Variants in HLCS observed in about 807,000 individuals in gnomAD.
The protein encoded by HLCS is biotin--protein ligase.
HLCS carries 53 observed loss-of-function variants against 75.0 expected under a neutral mutation model. The ratio of observed to expected loss-of-function variants is 0.71; its 90% CI spans 0.57 to 0.89. HLCS has a LOEUF of 0.89. Ranked by LOEUF, HLCS falls within the 40% of genes least tolerant of loss-of-function variation. The pLI, the probability that HLCS is intolerant of heterozygous loss-of-function variation, is 0.00. For synonymous variants in HLCS, 431 were observed against 428.6 expected (o/e 1.01, Z -0.07); for missense variants, 966 against 1,074.0 (o/e 0.90, Z 1.41).
chr21:36,890,943 T>C (rs890933340), intron 6 of HLCS, among the ~76,000 whole-genome samples: 2 of 152,226 alleles, frequency 1.3e-5, no homozygotes, highest in African/African-American at 2.4e-5. Context: ...TGAAAGTACA[T>C]GCCTGAGGCA....
At chr21:36,824,565 C>T (rs2061949328) in intron 6 of HLCS, among the ~76,000 whole-genome samples, 1 of 152,144 alleles carries the variant, frequency 6.6e-6, no homozygotes, top group Non-Finnish European at 1.5e-5. Flanking sequence ...CCTGCACATT[C>T]TGCACATGTA....
intron 6 of HLCS, among the ~76,000 whole-genome samples, chr21:36,800,553 C>T (rs2061169172): frequency 6.6e-6 from 1 of 152,024 alleles, no homozygotes; most frequent in Admixed American, 6.6e-5. Flanking sequence ...CCCCGTTGTA[C>T]CAGTGAGGAA....
intron 6 of HLCS, among the ~76,000 whole-genome samples, chr21:36,893,683 C>A (rs984956228): frequency 6.6e-6 from 1 of 152,282 alleles, no homozygotes; most frequent in Non-Finnish European, 1.5e-5. Context: ...AGGGTTTGAG[C>A]TCCTATGAGA....
chr21:36,892,739 G>T (rs576266463), intron 6 of HLCS, among the ~76,000 whole-genome samples: 4 of 152,180 alleles, frequency 2.6e-5, no homozygotes, highest in East Asian at 1.9e-4. Flanking sequence ...GCTGGTGCAG[G>T]TTCCATGATG....
chr21:36,916,324 C>T (rs2065926307), intron 5 of HLCS, among the ~76,000 whole-genome samples: 1 of 151,984 alleles, frequency 6.6e-6, no homozygotes, highest in Non-Finnish European at 1.5e-5. Flanking sequence ...CTCATAGCAT[C>T]CGGCTGTAAG....
intron 6 of HLCS, among the ~76,000 whole-genome samples, chr21:36,874,162 T>C (rs1010288502): frequency 3.0e-4 from 45 of 152,226 alleles, no homozygotes; most frequent in African/African-American, 1.1e-3. Flanking sequence ...TGAAAACACA[T>C]TTCTTTCCCC....
At chr21:36,799,680 G>A (rs1016318256) in intron 6 of HLCS, among the ~76,000 whole-genome samples, 5 of 152,108 alleles carry the variant, frequency 3.3e-5, no homozygotes, top group African/African-American at 9.7e-5. Flanking sequence ...TACTTTCGTC[G>A]GCCTGTGTTA....
chr21:36,879,553 T>C (rs1453282921), intron 6 of HLCS, among the ~76,000 whole-genome samples: 2 of 152,120 alleles, frequency 1.3e-5, no homozygotes, highest in East Asian at 3.9e-4. Context: ...CAGATTTCCA[T>C]TTTGGAATGG....
intron 2 of HLCS, among the ~76,000 whole-genome samples, chr21:36,946,986 G>A (rs536972538): frequency 1.3e-5 from 2 of 152,306 alleles, no homozygotes; most frequent in Admixed American, 1.3e-4. Context: ...CTAACACCGT[G>A]GCAGGGCAGA....
intron 6 of HLCS, among the ~76,000 whole-genome samples, chr21:36,805,121 G>A (rs1459827609): frequency 2.0e-5 from 3 of 152,162 alleles, no homozygotes; most frequent in Middle Eastern, 3.2e-3. Context: ...AGCCCTAGGC[G>A]ATGCCAGAAA....
At chr21:36,786,089 A>C (rs1400323219) in intron 6 of HLCS, among the ~76,000 whole-genome samples, 1 of 152,168 alleles carries the variant, frequency 6.6e-6, no homozygotes, top group South Asian at 2.1e-4. Context: ...GAATGGGCCC[A>C]GATGTAAAGC....
At chr21:36,886,287 G>T (rs2064454443) in intron 6 of HLCS, among the ~76,000 whole-genome samples, 1 of 151,984 alleles carries the variant, frequency 6.6e-6, no homozygotes, top group African/African-American at 2.4e-5. Flanking sequence ...AAAAAAATTA[G>T]CCGGGCGTGG....
At chr21:36,806,040 G>A (rs2061350325) in intron 6 of HLCS, 1 of 152,128 alleles carries the variant, frequency 6.6e-6, no homozygotes, top group Non-Finnish European at 1.5e-5. Context: ...ACTTACAGAG[G>A]GATTCTTTCC....
At chr21:36,856,681 A>G (rs796221250) in intron 6 of HLCS, among the ~76,000 whole-genome samples, 27 of 152,276 alleles carry the variant, frequency 1.8e-4, no homozygotes, top group African/African-American at 6.5e-4. Flanking sequence ...GAAAAATAGA[A>G]GGAAGGAAAA....
intron 6 of HLCS, among the ~76,000 whole-genome samples, chr21:36,836,315 A>ATT (rs11390960): frequency 3.3e-5 from 5 of 151,834 alleles, no homozygotes; most frequent in South Asian, 2.1e-4. Context: ...TCCTGAGGGA[A>ATT]TTTTTTTTTA....
intron 10 of HLCS, among the ~76,000 whole-genome samples, chr21:36,755,396 T>TAA (rs1304768663): frequency 7.2e-6 from 1 of 139,162 alleles, no homozygotes; most frequent in Non-Finnish European, 1.6e-5. Context: ...AGACCCTCTC[T>TAA]AAAAAAAAAA....
chr21:36,799,664 C>T (rs947644871), intron 6 of HLCS, among the ~76,000 whole-genome samples: 4 of 152,200 alleles, frequency 2.6e-5, no homozygotes, highest in Admixed American at 6.5e-5. Flanking sequence ...TGCATGCTCA[C>T]TCACATACTT....
intron 6 of HLCS, among the ~76,000 whole-genome samples, chr21:36,873,673 G>A (rs1217779481): frequency 6.6e-6 from 1 of 152,228 alleles, no homozygotes; most frequent in Non-Finnish European, 1.5e-5. Context: ...CTGAAGTGCA[G>A]TGGTGCAATC....
chr21:36,962,915 G>A (rs2068381544), intron 1 of HLCS, among the ~76,000 whole-genome samples: 1 of 151,980 alleles, frequency 6.6e-6, no homozygotes, highest in African/African-American at 2.4e-5. Flanking sequence ...CACAGCACAG[G>A]GCACCAGGCA....
Sources: allele counts gnomAD v4.1 joint callset (sites outside exome capture counted in the v4.1 genomes callset), GRCh38; gene constraint gnomAD v4.1.1; transcripts MANE v1.5; gene names NCBI Gene and HGNC (gene_info 2026-07-23, HGNC 2026-07-21).